Variants in DGKG observed in about 807,000 individuals in gnomAD.
DGKG encodes the protein diacylglycerol kinase gamma, also known as DAG kinase gamma.
In DGKG, 78 loss-of-function variants were observed where a neutral mutation model predicts 105.3. That is an observed-to-expected ratio of 0.74 (90% CI 0.62 to 0.89). DGKG has a LOEUF of 0.89. Ranked by LOEUF, DGKG falls within the 40% of genes least tolerant of loss-of-function variation. The probability of loss-of-function intolerance (pLI) is 0.00; values close to 1 mark genes in which losing one functional copy is unlikely to be tolerated. For synonymous variants in DGKG, 346 were observed against 367.1 expected, an observed-to-expected ratio of 0.94 and a Z score of 0.66; for missense variants, 958 against 1,020.1, an observed-to-expected ratio of 0.94 and a Z score of 0.83.
intron 9 of DGKG, among the ~76,000 whole-genome samples, chr3:186,278,266 A>G (rs185568034): frequency 6.6e-6 from 1 of 151,990 alleles, no homozygotes; most frequent in Non-Finnish European, 1.5e-5. Flanking sequence ...AATGAGAAAA[A>G]AAAAATGGTG....
intron 21 of DGKG, among the ~76,000 whole-genome samples, chr3:186,206,046 C>G: frequency 6.6e-6 from 1 of 152,134 alleles, no homozygotes. Context: ...ATTAGTGGAG[C>G]TGGCTGACCT....
At chr3:186,349,967 C>T (rs761662240) in intron 1 of DGKG, among the ~76,000 whole-genome samples, 4 of 152,020 alleles carry the variant, frequency 2.6e-5, no homozygotes, top group African/African-American at 9.7e-5. Context: ...TCACTGCAAC[C>T]TCTGTCATCC....
chr3:186,257,681 CTT>C (rs34393958), intron 17 of DGKG, 171 bp downstream of exon 17: 49,816 of 452,394 alleles, frequency 0.11, 1,109 homozygotes, highest in African/African-American at 0.17. Context: ...TGTCTTATTT[CTT>C]TTTTTTTTTT....
chr3:186,286,466 T>C (rs1244252999), intron 6 of DGKG, among the ~76,000 whole-genome samples: 7 of 152,200 alleles, frequency 4.6e-5, no homozygotes, highest in Admixed American at 3.3e-4. Flanking sequence ...CTTTTAACCT[T>C]CTTGTGCCTT....
intron 3 of DGKG, among the ~76,000 whole-genome samples, chr3:186,299,771 T>TTCTTTCTTTCTTTCTC: frequency 2.5e-5 from 1 of 39,974 alleles, no homozygotes; most frequent in South Asian, 1.0e-3. Context: ...TCTTTTCTCT[T>TTCTTTCTTTCTTTCTC]TCTTTCTTTC....
In DGKG at chr3:186,276,290, A is replaced by G. The variant is rs1047900697; in HGVS notation, c.793-626T>C. Among the ~76,000 whole-genome samples the G allele has an allele frequency of 3.9e-5, 6 of 152,328 alleles. 1 individual carries two copies. The highest frequency in any genetic ancestry group is 3.9e-4 in the Admixed American group (6 of 15,304). ...GGCATGGGAATGTGCTCATGATACA[A>G]TGTTAAGCGAAAAAACAGAATGCCA... On this transcript the variant is annotated intron_variant, in intron 9 of 24. Transcript: ENST00000265022.
chr3:186,257,257 A>T (rs749450063), intron 17 of DGKG, among the ~76,000 whole-genome samples: 1 of 152,240 alleles, frequency 6.6e-6, no homozygotes, highest in Non-Finnish European at 1.5e-5. Flanking sequence ...AATTTCAGTC[A>T]GTTTCCATCA....
intron 1 of DGKG, among the ~76,000 whole-genome samples, chr3:186,327,602 A>C (rs1725410812): frequency 6.6e-6 from 1 of 151,334 alleles, no homozygotes; most frequent in African/African-American, 2.4e-5. Flanking sequence ...TTGTAGAGAC[A>C]GTGTCTCACT....
At chr3:186,163,367 T>TC (rs1479304700) in intron 23 of DGKG, among the ~76,000 whole-genome samples, 1 of 152,150 alleles carries the variant, frequency 6.6e-6, no homozygotes, top group Non-Finnish European at 1.5e-5. Context: ...AGTTATGAAT[T>TC]CATAATACAT....
chr3:186,229,344 G>A (rs561057717), intron 20 of DGKG, among the ~76,000 whole-genome samples: 18 of 151,940 alleles, frequency 1.2e-4, no homozygotes, highest in Middle Eastern at 3.4e-3. Flanking sequence ...GGGTTCAAGT[G>A]ATTCGCATGC....
chr3:186,259,972 G>A (rs1020286420), intron 16 of DGKG, among the ~76,000 whole-genome samples: 1 of 152,178 alleles, frequency 6.6e-6, no homozygotes, highest in East Asian at 1.9e-4. Flanking sequence ...ACAAGTAATT[G>A]TCTTGATCCT....
intron 11 of DGKG, among the ~76,000 whole-genome samples, chr3:186,270,160 C>G (rs2268830): frequency 0.16 from 24,615 of 152,050 alleles, 2,285 homozygotes; most frequent in Admixed American, 0.22. Flanking sequence ...CAGTCTCACT[C>G]TGTCGCCCAG....
chr3:186,268,923 GGAGGGAAGC>G lies in DGKG; in HGVS notation c.1000-15_1000-7del. On this transcript the variant is annotated splice_polypyrimidine_tract_variant and splice_region_variant and intron_variant, in intron 11 of 24. Coordinates refer to ENST00000265022, the MANE Select transcript of DGKG (RefSeq NM_001346.3). ...ACCCATGCGTGCTGCATCACCTGCG[GGAGGGAAGC>G]GAACGATGCCAGGGAAAATGGCAGA... The G allele has an allele frequency of 6.2e-7, 1 of 1,603,140 alleles. No homozygotes were observed. Among genetic ancestry groups the G allele is most frequent in the Non-Finnish European group, 8.5e-7 (1 of 1,170,462 alleles).
intron 24 of DGKG, among the ~76,000 whole-genome samples, chr3:186,155,871 C>T (rs930708971): frequency 2.0e-5 from 3 of 152,286 alleles, no homozygotes; most frequent in East Asian, 3.9e-4. Context: ...ATGCCTTTCT[C>T]ACTGTTTTAA....
chr3:186,302,322 A>G (rs1027647580), intron 3 of DGKG, among the ~76,000 whole-genome samples: 1 of 151,782 alleles, frequency 6.6e-6, no homozygotes, highest in Non-Finnish European at 1.5e-5. Flanking sequence ...GCACCTGAGG[A>G]ATAGCCTGGT....
chr3:186,312,275 C>T (rs1266817103), intron 2 of DGKG, among the ~76,000 whole-genome samples: 5 of 151,346 alleles, frequency 3.3e-5, no homozygotes, highest in African/African-American at 4.9e-5. Flanking sequence ...TTCTAAGGTA[C>T]ATGATAACTC....
intron 23 of DGKG, 52 bp from the exon 24 acceptor site, chr3:186,161,715 T>A: frequency 6.2e-7 from 1 of 1,613,250 alleles, no homozygotes; most frequent in Non-Finnish European, 8.5e-7. Context: ...AGTGGGAGAA[T>A]CAAGGTTATT....
At chr3:186,299,829 CTTTCTTTCTT>C (rs1723816451) in intron 3 of DGKG, among the ~76,000 whole-genome samples, 1 of 107,720 alleles carries the variant, frequency 9.3e-6, no homozygotes, top group Non-Finnish European at 2.0e-5. Context: ...TTCTTTCTTT[CTTTCTTTCTT>C]TTTTTTTTTT....
chr3:186,267,917 CGTGT>C lies in DGKG; in HGVS notation c.1117-144_1117-141del, dbSNP rs145318120. 1.8e-3 allele frequency: 1,253 copies of C among 702,262 alleles called. 14 individuals carry two copies. In the East Asian group the frequency reaches 0.027, roughly 15 times the overall value. 43.5% of individuals were successfully genotyped at this position (702,262 alleles called of 1,614,324 possible). The stretch of plus-strand genomic sequence containing the variant: ...GCACTGCTGGCTTTGACAGTATTGC[CGTGT>C]GTGTGTGTGTGCACGTGTGTGTGTG... On this transcript the variant is annotated intron_variant, in intron 12 of 24. Transcript: ENST00000265022.
Sources: allele counts gnomAD v4.1 joint callset (sites outside exome capture counted in the v4.1 genomes callset), GRCh38; gene constraint gnomAD v4.1.1; transcripts MANE v1.5; gene names NCBI Gene and HGNC (gene_info 2026-07-23, HGNC 2026-07-21).